The following RBM45 variants were observed in gnomAD, a reference collection of about 807,000 sequenced individuals.
RBM45 encodes RNA-binding protein 45.
Under a neutral mutation model 58.5 loss-of-function variants are expected in RBM45, and 39 were observed. That is an observed-to-expected ratio of 0.67 (90% CI 0.52 to 0.87). RBM45 has a LOEUF of 0.87. Ranked by LOEUF, RBM45 falls within the 40% of genes least tolerant of loss-of-function variation. The pLI is 0.00. For synonymous variants in RBM45, 193 were observed against 203.0 expected (o/e 0.95, Z 0.42); for missense variants, 481 against 581.6 (o/e 0.83, Z 1.78).
chr2:178,114,991 T>C (rs568837309), intron 1 of RBM45, among the ~76,000 whole-genome samples: 1 of 151,988 alleles, frequency 6.6e-6, no homozygotes, highest in South Asian at 2.1e-4. Context: ...AATATTTCTA[T>C]TGTACTTTGC....
chr2:178,123,897 T>G lies in RBM45; in HGVS notation c.1053T>G (p.Ser351Arg). The change falls in exon 7 of 10, where the codon AGT becomes AGG. Residue 351 changes from serine (S) to arginine (R), a missense_variant. Physicochemically the swap from Ser to Arg is moderately radical, Grantham distance 110. Transcript: ENST00000286070. ...QLASMVWNNPSQQQFMQFGGS... is the reference protein window; with the variant it reads ...QLASMVWNNPRQQQFMQFGGS... ...CATCAATGGTGTGGAATAACCCAAG[T>G]CAGCAACAATTTATGGTAAGTAGGT... The G allele has an allele frequency of 6.2e-7, 1 of 1,613,932 alleles. No individual in the cohort carries two copies. The highest frequency in any genetic ancestry group is 8.5e-7 in the Non-Finnish European group (1 of 1,179,864).
chr2:178,113,690 T>A (rs930094315), intron 1 of RBM45, among the ~76,000 whole-genome samples: 1 of 152,194 alleles, frequency 6.6e-6, no homozygotes, highest in African/African-American at 2.4e-5. Flanking sequence ...TATTGATCAG[T>A]AGTAGCCAAG....
chr2:178,137,010 A>G (rs1474888605), exon 4 of RBM45: 2 of 152,160 alleles, frequency 1.3e-5, no homozygotes, highest in African/African-American at 4.8e-5. Flanking sequence ...GGGGAGTTTT[A>G]TTTAGTTTTG....
chr2:178,124,394 T>C (rs2087898831), intron 8 of RBM45, 104 bp downstream of exon 8: 1 of 605,336 alleles, frequency 1.7e-6, no homozygotes, highest in Non-Finnish European at 2.6e-6. Flanking sequence ...GTAGAGAGTA[T>C]TAGTTCTCTG....
intron 8 of RBM45, among the ~76,000 whole-genome samples, chr2:178,125,565 T>C (rs1574413977): frequency 6.6e-6 from 1 of 152,212 alleles, no homozygotes; most frequent in East Asian, 1.9e-4. Flanking sequence ...TTAAGGAAGA[T>C]GAAACTAAAG....
Position 178,126,229 on chromosome 2 carries a change from G to A in RBM45, c.*8+45G>A, listed in dbSNP as rs183795289. ...AATTTTAAAACATATTGAGTAAATA[G>A]TATATGAGGAATATGTGTAAGTACT... is the stretch of plus-strand genomic sequence containing the variant. On this transcript the variant is annotated intron_variant, in intron 9 of 9. Transcript: ENST00000286070. 4.9e-5 allele frequency: 65 copies of A among 1,320,032 alleles called. No individual in the cohort carries two copies. The East Asian group carries it at 1.5e-3, about 31-fold the overall frequency. The allele number at this position is 1,320,032 out of a possible 1,614,324, so 81.8% of individuals were successfully genotyped here. A position where few individuals can be genotyped will look rare whatever the true frequency, so the allele number is the denominator to read the frequency against.
At position 178,116,315 on chromosome 2, in the gene RBM45, A is replaced by G; in HGVS notation, c.354A>G (p.Glu118=). ...GAAGTCACCGAGATGTTGAAGATGAAGAACTTACAAGAATCTTTGTTATGA... is the reference window on the plus strand; with the variant it reads ...GAAGTCACCGAGATGTTGAAGATGAGGAACTTACAAGAATCTTTGTTATGA... ...SSGSHRDVED[E]ELTRIFVMIP... is the part of the protein sequence containing the mutation. Residue 118 remains glutamate, a synonymous_variant, in exon 2 of 10, where the codon GAA becomes GAG. Coordinates refer to ENST00000286070, the MANE Select transcript of RBM45 (RefSeq NM_152945.4). 6.2e-7 allele frequency: 1 copy of G among 1,613,004 alleles called. No individual in the cohort carries two copies. The highest frequency in any genetic ancestry group is 1.7e-4 in the Middle Eastern group (1 of 6,054).
chr2:178,126,636 G>A (rs1281757457), intron 9 of RBM45, among the ~76,000 whole-genome samples: 1 of 152,078 alleles, frequency 6.6e-6, no homozygotes, highest in East Asian at 1.9e-4. Flanking sequence ...TGCCTAAAAA[G>A]CAATATCAAA....
chr2:178,130,060 T>TA (rs1056738215), downstream of RBM45, among the ~76,000 whole-genome samples: 4 of 152,086 alleles, frequency 2.6e-5, no homozygotes, highest in African/African-American at 4.8e-5. Context: ...CCAACAGTGA[T>TA]AAAAAAATTA....
At chr2:178,125,309 G>A (rs531171071) in intron 8 of RBM45, among the ~76,000 whole-genome samples, 1 of 152,152 alleles carries the variant, frequency 6.6e-6, no homozygotes, top group Admixed American at 6.5e-5. Flanking sequence ...ATCTCATGTA[G>A]GAAACAGACA....
chr2:178,126,244 G>A (rs2087927977), intron 9 of RBM45, 60 bp downstream of exon 9: 2 of 1,078,194 alleles, frequency 1.9e-6, no homozygotes, highest in Non-Finnish European at 1.3e-6. Context: ...TGAGGAATAT[G>A]TGTAAGTACT....
At chr2:178,123,744 A>G (rs1293117499) in intron 6 of RBM45, 84 bp from the exon 7 acceptor site, 1 of 1,592,536 alleles carries the variant, frequency 6.3e-7, no homozygotes, top group Non-Finnish European at 8.6e-7. Flanking sequence ...TTGACCTCTC[A>G]GGTGAGAAAG....
At chr2:178,128,331 T>C (rs1332239998) in intron 9 of RBM45, among the ~76,000 whole-genome samples, 1 of 152,114 alleles carries the variant, frequency 6.6e-6, no homozygotes, top group Non-Finnish European at 1.5e-5. Context: ...AGTTTTCTCA[T>C]AGGGCTTTTG....
rs149907169 is a variant in RBM45 at position 178,126,197 on chromosome 2, T to C, written c.*8+13T>C. On this transcript the variant is annotated intron_variant, in intron 9 of 9. Coordinates refer to ENST00000286070, the MANE Select transcript of RBM45 (RefSeq NM_152945.4). ...ACTGATTCTTGAGGTAAGCCCTTTTTAATCTGAATTTTAAAACATATTGAG... is the reference window on the plus strand; with the variant it reads ...ACTGATTCTTGAGGTAAGCCCTTTTCAATCTGAATTTTAAAACATATTGAG... The C allele has an allele frequency of 1.2e-5, 19 of 1,571,728 alleles. No homozygotes were observed. In the South Asian group the frequency reaches 1.8e-4, roughly 15 times the overall value.
At chr2:178,121,699 A>T (rs915378149) in intron 5 of RBM45, among the ~76,000 whole-genome samples, 3 of 152,026 alleles carry the variant, frequency 2.0e-5, no homozygotes, top group African/African-American at 7.2e-5. Context: ...CTCTGTTTCT[A>T]TGTACTCTTT....
In RBM45 at chr2:178,122,241, T is replaced by C. The variant is rs530087771; in HGVS notation, c.853+882T>C. On this transcript the variant is annotated intron_variant, in intron 5 of 9. Transcript: ENST00000286070. ...CACTCAGTAAATCTAAGGGGTTTTTTTTTCTTTGTTAGTGAGGGGTGGTAG... is the reference window on the plus strand; with the variant it reads ...CACTCAGTAAATCTAAGGGGTTTTTCTTTCTTTGTTAGTGAGGGGTGGTAG... Among the ~76,000 whole-genome samples the C allele has an allele frequency of 1.1e-4, 16 of 152,236 alleles. No individual in the cohort carries two copies. In the East Asian group the frequency reaches 2.9e-3, roughly 28 times the overall value.
intron 4 of RBM45, 94 bp downstream of exon 4, chr2:178,120,503 T>C (rs2087835636): frequency 9.0e-7 from 1 of 1,107,604 alleles, no homozygotes; most frequent in Non-Finnish European, 1.2e-6. Flanking sequence ...CATCTATAAA[T>C]TTCACCTAGT....
chr2:178,134,405 C>T (rs368056442), downstream of RBM45, among the ~76,000 whole-genome samples: 12 of 152,278 alleles, frequency 7.9e-5, no homozygotes, highest in East Asian at 1.7e-3. Context: ...TGTGAAACTA[C>T]GTTCTCTGAA....
chr2:178,116,420 C>CA, intron 2 of RBM45, 36 bp downstream of exon 2: 2 of 1,561,272 alleles, frequency 1.3e-6, no homozygotes, highest in African/African-American at 1.4e-5. Flanking sequence ...TGTGATAACT[C>CA]ATAGTCCTGC....
Sources: allele counts gnomAD v4.1 joint callset (sites outside exome capture counted in the v4.1 genomes callset), GRCh38; gene constraint gnomAD v4.1.1; transcripts MANE v1.5; gene names NCBI Gene and HGNC (gene_info 2026-07-23, HGNC 2026-07-21).